Variants in EPHA6 observed in about 807,000 individuals in gnomAD.
EPHA6 encodes EPH receptor A6.
EPHA6 carries 50 observed loss-of-function variants against 112.0 expected under a neutral mutation model. The observed-to-expected ratio is 0.45, with a 90% CI of 0.36 to 0.56. The LOEUF (loss-of-function observed/expected upper bound fraction) is 0.56, where lower values mean the gene tolerates loss of function less well. Ranked by LOEUF, EPHA6 falls within the 20% of genes least tolerant of loss-of-function variation. The pLI, the probability that EPHA6 is intolerant of heterozygous loss-of-function variation, is 0.00. For synonymous variants in EPHA6, 529 were observed against 490.7 expected (o/e 1.08, Z -1.03); for missense variants, 1,280 against 1,417.4 (o/e 0.90, Z 1.56).
intron 3 of EPHA6, among the ~76,000 whole-genome samples, chr3:97,187,709 GAA>G (rs1172746361): frequency 2.1e-5 from 3 of 141,792 alleles, no homozygotes; most frequent in Non-Finnish European, 4.6e-5. Context: ...AAGAAAGAAA[GAA>G]AGAAAGAAAG....
At position 96,940,045 on chromosome 3, in the gene EPHA6, C is replaced by T. The variant is rs560161041; in HGVS notation, c.451-47285C>T. 6.6e-5 allele frequency among the ~76,000 whole-genome samples: 10 copies of T among 151,976 alleles called. No homozygotes were observed. The South Asian group carries it at 1.9e-3, about 28-fold the overall frequency. ...CAACTATGTGGTTAATTTTGGAATA[C>T]GTGTGGTGTGGTGCTGAAAAAAAAT... is the stretch of plus-strand genomic sequence containing the variant. On this transcript the variant is annotated intron_variant, in intron 2 of 17. Coordinates refer to ENST00000389672, the MANE Select transcript of EPHA6 (RefSeq NM_001080448.3).
At chr3:97,526,026 A>G (rs1187117705) in intron 10 of EPHA6, among the ~76,000 whole-genome samples, 1 of 152,116 alleles carries the variant, frequency 6.6e-6, no homozygotes, top group African/African-American at 2.4e-5. Flanking sequence ...GAGACATAAG[A>G]TTGTTTCAGG....
At position 96,875,963 on chromosome 3, in the gene EPHA6, T is replaced by TAAG. The variant is rs781463245; in HGVS notation, c.450+9076_450+9078dup. 2.2e-4 allele frequency among the ~76,000 whole-genome samples: 34 copies of TAAG among 151,654 alleles called. No individual in the cohort carries two copies. The South Asian group carries it at 3.5e-3, about 16-fold the overall frequency. On this transcript the variant is annotated intron_variant, in intron 2 of 17. Coordinates refer to ENST00000389672, the MANE Select transcript of EPHA6 (RefSeq NM_001080448.3). ...AATTCCTATATTGTAAAATATAAAC[T>TAAG]AAGATTCTGATTTTATCAGCAAGTT...
At chr3:97,376,881 G>T (rs1440454435) in intron 5 of EPHA6, among the ~76,000 whole-genome samples, 2 of 152,138 alleles carry the variant, frequency 1.3e-5, no homozygotes, top group African/African-American at 4.8e-5. Context: ...AAATACACAG[G>T]TCATGGGAAT....
rs2083392563 is a variant in EPHA6 at position 97,343,157 on chromosome 3, G to A, written c.1607-61993G>A. 4.6e-5 allele frequency among the ~76,000 whole-genome samples: 7 copies of A among 152,306 alleles called. No homozygotes were observed. The South Asian group carries it at 1.2e-3, about 27-fold the overall frequency. On this transcript the variant is annotated intron_variant, in intron 5 of 17. Coordinates refer to ENST00000389672, the MANE Select transcript of EPHA6 (RefSeq NM_001080448.3). Reference sequence around the variant, plus strand: ...TCTTAGAGAATACATAAATAATTATGTATAGAAAGTTGATTGAAATATGGT... The same window carrying A: ...TCTTAGAGAATACATAAATAATTATATATAGAAAGTTGATTGAAATATGGT...
chr3:97,132,668 A>G (rs1192319258), intron 3 of EPHA6, among the ~76,000 whole-genome samples: 1 of 152,042 alleles, frequency 6.6e-6, no homozygotes, highest in African/African-American at 2.4e-5. Context: ...TTATTTTACA[A>G]TCCTAAAATA....
chr3:96,913,123 G>T (rs959244070), intron 2 of EPHA6, among the ~76,000 whole-genome samples: 1 of 149,168 alleles, frequency 6.7e-6, no homozygotes, highest in South Asian at 2.2e-4. Flanking sequence ...GAGGCCAGGA[G>T]TTCAAGACCA....
chr3:97,704,097 T>C (rs1362506208), intron 14 of EPHA6, among the ~76,000 whole-genome samples: 1 of 152,220 alleles, frequency 6.6e-6, no homozygotes, highest in East Asian at 1.9e-4. Context: ...TATGGCATTA[T>C]TAATTTTAAA....
chr3:97,009,997 T>A, intron 3 of EPHA6: 1 of 918,436 alleles, frequency 1.1e-6, no homozygotes, highest in Non-Finnish European at 1.5e-6. Context: ...TTTTTTTTTT[T>A]TGATAGGAGC....
rs377521842 is a variant in EPHA6 at position 97,350,191 on chromosome 3, C to T, written c.1607-54959C>T. On this transcript the variant is annotated intron_variant, in intron 5 of 17. Coordinates refer to ENST00000389672, the MANE Select transcript of EPHA6 (RefSeq NM_001080448.3). ...TGGAATATTAACAGTGGTCTTGTGA[C>T]ACTGAAGCAGAAAGCCTGACCATAA... Among the ~76,000 whole-genome samples, 8 of 152,112 alleles carry T rather than the reference C, an allele frequency of 5.3e-5. No individual in the cohort carries two copies. In the East Asian group the frequency reaches 9.7e-4, roughly 18 times the overall value.
chr3:97,186,457 T>A (rs1351269266), intron 3 of EPHA6, among the ~76,000 whole-genome samples: 1 of 152,158 alleles, frequency 6.6e-6, no homozygotes, highest in African/African-American at 2.4e-5. Context: ...TATGCCCCTC[T>A]CTCAACTTAA....
chr3:97,506,479 G>T (rs925369559), intron 10 of EPHA6, among the ~76,000 whole-genome samples: 19 of 152,316 alleles, frequency 1.2e-4, no homozygotes, highest in South Asian at 2.1e-4. Context: ...GCTTGTCAAA[G>T]AACAGATGGC....
At chr3:97,588,892 T>G (rs2093516311) in intron 11 of EPHA6, among the ~76,000 whole-genome samples, 1 of 152,218 alleles carries the variant, frequency 6.6e-6, no homozygotes, top group African/African-American at 2.4e-5. Flanking sequence ...TAATTTCAAC[T>G]TTTATTTTAG....
chr3:97,509,686 G>A (rs2107586228), intron 10 of EPHA6, among the ~76,000 whole-genome samples: 1 of 152,208 alleles, frequency 6.6e-6, no homozygotes, highest in Admixed American at 6.5e-5. Context: ...TTCTCAAGGA[G>A]TATCTTTGTA....
At chr3:97,655,783 C>A (rs1332262689) in intron 14 of EPHA6, among the ~76,000 whole-genome samples, 1 of 150,620 alleles carries the variant, frequency 6.6e-6, no homozygotes, top group Non-Finnish European at 1.5e-5. Flanking sequence ...GGAGGGATAG[C>A]ATTAGGAGAT....
chr3:97,266,797 G>A (rs571348148), intron 5 of EPHA6, among the ~76,000 whole-genome samples: 1 of 140,634 alleles, frequency 7.1e-6, no homozygotes, highest in African/African-American at 3.1e-5. Context: ...ATAATACAAA[G>A]AAAAGTGAGA....
intron 5 of EPHA6, among the ~76,000 whole-genome samples, chr3:97,384,898 A>G (rs2085970039): frequency 6.6e-6 from 1 of 152,196 alleles, no homozygotes; most frequent in African/African-American, 2.4e-5. Context: ...GTACTGAGTT[A>G]TGAGCAGTGA....
chr3:97,509,197 T>C (rs1385886303), intron 10 of EPHA6, among the ~76,000 whole-genome samples: 12 of 151,820 alleles, frequency 7.9e-5, no homozygotes, highest in Admixed American at 7.9e-4. Flanking sequence ...TTAAGGGTAA[T>C]ATTGCTATGC....
chr3:96,910,965 A>C (rs1166066973), intron 2 of EPHA6, among the ~76,000 whole-genome samples: 2 of 151,942 alleles, frequency 1.3e-5, no homozygotes, highest in African/African-American at 2.4e-5. Flanking sequence ...TTCCTGTTGC[A>C]TTTCTATTTT....
Sources: gnomAD v4.1 joint callset for allele counts (sites outside exome capture counted in the v4.1 genomes callset) on GRCh38, gnomAD v4.1.1 for gene constraint, MANE v1.5 for transcripts, NCBI Gene and HGNC (gene_info 2026-07-23, HGNC 2026-07-21) for gene names.